The following ADGRE3 variants were observed in gnomAD, a reference collection of about 807,000 sequenced individuals.
The protein encoded by ADGRE3 is adhesion G protein-coupled receptor E3, also known as EGF-like module receptor 3.
Under a neutral mutation model 80.1 loss-of-function variants are expected in ADGRE3, and 88 were observed. The observed-to-expected ratio is 1.10, with a 90% CI of 0.93 to 1.31. The LOEUF (loss-of-function observed/expected upper bound fraction) is 1.31, where lower values mean the gene tolerates loss of function less well. ADGRE3 is among the 40% of genes most tolerant of loss of function. The pLI is 0.00. For synonymous variants in ADGRE3, 281 were observed against 294.8 expected (o/e 0.95, Z 0.48); for missense variants, 715 against 776.5 (o/e 0.92, Z 0.94).
intron 7 of ADGRE3, among the ~76,000 whole-genome samples, chr19:14,648,313 T>C (rs963672576): frequency 2.0e-5 from 3 of 152,120 alleles, no homozygotes; most frequent in African/African-American, 4.8e-5. Context: ...GGAACTTCCA[T>C]GGGCGTGAAT....
chr19:14,623,299 T>TAAAAAAAAAA lies in ADGRE3; in HGVS notation c.1920+2183_1920+2192dup, dbSNP rs1325415854. On this transcript the variant is annotated intron_variant, in intron 15 of 15. Coordinates refer to ENST00000253673, the MANE Select transcript of ADGRE3 (RefSeq NM_032571.5). The stretch of plus-strand genomic sequence containing the variant: ...CCTAAAATACTTAAAAAAAAAAAAA[T>TAAAAAAAAAA]AAAAAAAAAAAAAAATAAAACTCCT... Among the ~76,000 whole-genome samples the TAAAAAAAAAA allele has an allele frequency of 1.3e-3, 21 of 16,686 alleles. 4 individuals are homozygous for TAAAAAAAAAA. Among genetic ancestry groups the TAAAAAAAAAA allele is most frequent in the African/African-American group, 2.3e-3 (21 of 9,042 alleles). 10.9% of individuals were successfully genotyped at this position (16,686 alleles called of 152,430 possible).
chr19:14,658,885 C>T (rs1483555419), intron 4 of ADGRE3, among the ~76,000 whole-genome samples: 1 of 152,014 alleles, frequency 6.6e-6, no homozygotes, highest in Non-Finnish European at 1.5e-5. Context: ...CAGGCACGCA[C>T]CTCCAGGCAT....
chr19:14,636,014 T>TTCCC (rs1971035290), intron 11 of ADGRE3, among the ~76,000 whole-genome samples: 1 of 60,764 alleles, frequency 1.6e-5, no homozygotes, highest in South Asian at 7.3e-4. Context: ...TCTTTCTTTC[T>TTCCC]TCCTTCCTTC....
chr19:14,672,094 C>T (rs10407578), intron 1 of ADGRE3, among the ~76,000 whole-genome samples: 4,838 of 152,148 alleles, frequency 0.032, 241 homozygotes, highest in African/African-American at 0.11. Flanking sequence ...TTACGCCTGC[C>T]CAAATGATGA....
In ADGRE3 at chr19:14,638,236, C is replaced by G; in HGVS notation, c.1353G>C (p.Leu451=). 3 of 1,614,082 alleles carry G rather than the reference C, an allele frequency of 1.9e-6. No individual in the cohort carries two copies. Among genetic ancestry groups the G allele is most frequent in the Non-Finnish European group, 2.5e-6 (3 of 1,179,972 alleles). ...TGATGCTTGAGTAGTTGACCACTGT[C>G]AGGTTCCGTGCAGTGAGGAAGAGGT... ...GVHLFLTARN[L]TVVNYSSINR... The change falls in exon 11 of 16, where the codon CTG becomes CTC. Residue 451 remains leucine, a synonymous_variant. Transcript: ENST00000253673.
the ADGRE3 span, chr19:14,600,233 T>A: frequency 6.3e-7 from 1 of 1,596,030 alleles, no homozygotes; most frequent in Non-Finnish European, 8.6e-7. Flanking sequence ...AGCCTGCTTC[T>A]CTTCCAGGAT....
At chr19:14,670,343 G>A (rs1018709916) in intron 1 of ADGRE3, among the ~76,000 whole-genome samples, 1 of 152,132 alleles carries the variant, frequency 6.6e-6, no homozygotes, top group Non-Finnish European at 1.5e-5. Context: ...TGATGAGGCT[G>A]CATTTCCTCT....
chr19:14,634,919 C>G (rs534545952), intron 11 of ADGRE3, among the ~76,000 whole-genome samples: 1 of 152,190 alleles, frequency 6.6e-6, no homozygotes, highest in East Asian at 1.9e-4. Flanking sequence ...CAGTTCCCTC[C>G]TACCTCTGAT....
At chr19:14,621,207 C>G (rs1252826819) in intron 15 of ADGRE3, among the ~76,000 whole-genome samples, 3 of 152,028 alleles carry the variant, frequency 2.0e-5, no homozygotes, top group Non-Finnish European at 2.9e-5. Context: ...AATCTCAGCA[C>G]TTTGAGAAGC....
the ADGRE3 span, among the ~76,000 whole-genome samples, chr19:14,607,487 G>T: frequency 6.6e-6 from 1 of 151,794 alleles, no homozygotes; most frequent in Non-Finnish European, 1.5e-5. Flanking sequence ...ACAGGCGTGA[G>T]CCACCGCGCC....
intron 3 of ADGRE3, among the ~76,000 whole-genome samples, chr19:14,662,903 C>CGAA (rs1971990097): frequency 1.1e-5 from 1 of 92,592 alleles, no homozygotes; most frequent in Non-Finnish European, 2.0e-5. Context: ...TCCATCTCTA[C>CGAA]AAAAAAAAAA....
At chr19:14,607,379 AT>A in the ADGRE3 span, among the ~76,000 whole-genome samples, 1 of 149,552 alleles carries the variant, frequency 6.7e-6, no homozygotes, top group South Asian at 2.1e-4. Context: ...AATTTTTTGT[AT>A]TTTTAGTAGA....
intron 10 of ADGRE3, among the ~76,000 whole-genome samples, chr19:14,640,527 G>C (rs981401571): frequency 2.0e-5 from 3 of 151,930 alleles, no homozygotes; most frequent in African/African-American, 7.3e-5. Flanking sequence ...CTGACCTCAG[G>C]TGATCTGCCC....
At chr19:14,617,377 C>CTTTCTTCCTTT (rs1491527496), downstream of ADGRE3, among the ~76,000 whole-genome samples, 106 of 86,344 alleles carry the variant, frequency 1.2e-3, no homozygotes, top group Middle Eastern at 5.1e-3. Flanking sequence ...TTTCTTTCTT[C>CTTTCTTCCTTT]CTTTCTTTCT....
At chr19:14,628,930 CT>C (rs768289556) in intron 14 of ADGRE3, 156 of 153,188 alleles carry the variant, frequency 1.0e-3, no homozygotes, top group South Asian at 3.4e-3. Context: ...TTCTTTTTCT[CT>C]TTTTTTTTTG....
intron 15 of ADGRE3, among the ~76,000 whole-genome samples, chr19:14,625,184 T>A (rs1304563790): frequency 2.0e-5 from 3 of 152,150 alleles, no homozygotes; most frequent in Admixed American, 6.5e-5. Flanking sequence ...TTCACCATGT[T>A]GGTCAGGCTG....
intron 15 of ADGRE3, among the ~76,000 whole-genome samples, chr19:14,621,350 G>A (rs1243312829): frequency 1.3e-5 from 2 of 152,016 alleles, no homozygotes; most frequent in Non-Finnish European, 2.9e-5. Flanking sequence ...AGCTACTGGG[G>A]AGGCTGAGGC....
intron 14 of ADGRE3, 86 bp downstream of exon 14, chr19:14,629,953 T>C (rs1026538385): frequency 7.0e-6 from 6 of 859,304 alleles, no homozygotes; most frequent in Non-Finnish European, 8.9e-6. Context: ...GTGGAACATT[T>C]AGAGAATGTC....
downstream of ADGRE3, among the ~76,000 whole-genome samples, chr19:14,617,377 C>CTTTCTTTCTTTCTTTTT (rs1491527496): frequency 1.2e-5 from 1 of 86,364 alleles, no homozygotes; most frequent in East Asian, 3.5e-4. Context: ...TTTCTTTCTT[C>CTTTCTTTCTTTCTTTTT]CTTTCTTTCT....
Sources: gnomAD v4.1 joint callset for allele counts (sites outside exome capture counted in the v4.1 genomes callset) on GRCh38, gnomAD v4.1.1 for gene constraint, MANE v1.5 for transcripts, NCBI Gene and HGNC (gene_info 2026-07-23, HGNC 2026-07-21) for gene names.